CNOT1: variants seen among roughly 807,000 people sequenced by gnomAD.
The protein encoded by CNOT1 is CCR4-associated factor 1.
A neutral mutation model predicts 273.8 loss-of-function variants in CNOT1; 15 were observed. The observed-to-expected ratio is 0.05, with a 90% CI of 0.04 to 0.08. The LOEUF (loss-of-function observed/expected upper bound fraction) is 0.08, where lower values mean the gene tolerates loss of function less well. Among genes scored for constraint, CNOT1 ranks in the 10% least tolerant of loss-of-function variants. CNOT1 has a pLI of 1.00. For missense variants in CNOT1, 1,644 were observed against 2,912.2 expected (o/e 0.56, Z 10.02); for synonymous variants, 1,022 against 1,005.5 (o/e 1.02, Z -0.31).
At chr16:58,525,131 CAAA>C in intron 46 of CNOT1, 45 bp downstream of exon 46, 1 of 1,566,324 alleles carries the variant, frequency 6.4e-7, no homozygotes, top group Non-Finnish European at 8.8e-7. Context: ...CAGATTGTAG[CAAA>C]AAGCACAGAG....
intron 1 of CNOT1, among the ~76,000 whole-genome samples, chr16:58,623,904 C>T (rs1028156234): frequency 3.3e-5 from 5 of 151,948 alleles, no homozygotes; most frequent in East Asian, 3.9e-4. Flanking sequence ...GCAGAAGAAT[C>T]GCTTGAACCA....
chr16:58,567,448 C>T (rs1403821306), intron 16 of CNOT1, among the ~76,000 whole-genome samples: 1 of 150,890 alleles, frequency 6.6e-6, no homozygotes, highest in Non-Finnish European at 1.5e-5. Context: ...CATGGTGAAG[C>T]CCCATTTCCA....
intron 47 of CNOT1, 143 bp from the exon 48 acceptor site, chr16:58,521,460 T>C: frequency 1.3e-6 from 1 of 764,156 alleles, no homozygotes; most frequent in Non-Finnish European, 2.1e-6. Flanking sequence ...GGTGGATTAA[T>C]ATACTCCAAA....
intron 39 of CNOT1, among the ~76,000 whole-genome samples, chr16:58,534,640 A>G (rs917173959): frequency 1.3e-5 from 2 of 152,212 alleles, no homozygotes; most frequent in Non-Finnish European, 2.9e-5. Flanking sequence ...TTATCATGGC[A>G]ATTTTGAACA....
intron 46 of CNOT1, 147 bp downstream of exon 46, chr16:58,525,032 A>T (rs539633816): frequency 1.4e-6 from 1 of 720,864 alleles, no homozygotes; most frequent in South Asian, 1.8e-5. Context: ...CCAATTAAAG[A>T]TAAAATAATC....
rs1238609335 is a variant in CNOT1 at position 58,541,490 on chromosome 16, A to G, written c.4800+11T>C. 6.2e-7 allele frequency: 1 copy of G among 1,609,872 alleles called. No homozygotes were observed. The highest frequency in any genetic ancestry group is 8.5e-7 in the Non-Finnish European group (1 of 1,178,140). ...TGGCAAAACACTCAATTTAATCTAAAACACATTTACCTTCATGGGCTGGGC... is the reference window on the plus strand; with the variant it reads ...TGGCAAAACACTCAATTTAATCTAAGACACATTTACCTTCATGGGCTGGGC... On this transcript the variant is annotated intron_variant, in intron 34 of 48. Transcript: ENST00000317147.
At chr16:58,533,497 G>A (rs1438204272) in intron 40 of CNOT1, among the ~76,000 whole-genome samples, 1 of 152,216 alleles carries the variant, frequency 6.6e-6, no homozygotes, top group South Asian at 2.1e-4. Context: ...TTAGCCGGGC[G>A]CGGTGGCGGG....
chr16:58,585,296 G>A (rs375118614), intron 8 of CNOT1, 42 bp downstream of exon 8: 29 of 1,604,852 alleles, frequency 1.8e-5, no homozygotes, highest in East Asian at 6.7e-5. Context: ...CATCATGTTT[G>A]GCACAAGAAT....
In CNOT1 at chr16:58,551,193, T is replaced by C; in HGVS notation, c.3281A>G (p.Asn1094Ser). Residue 1094 changes from asparagine (N) to serine (S), a missense_variant, in exon 24 of 49, where the codon AAT becomes AGT. Around this residue, in one of 13 missense-constraint regions of CNOT1, gnomAD observed 124 missense variants for 289.3 expected, o/e 0.43. Coordinates refer to ENST00000317147, the MANE Select transcript of CNOT1 (RefSeq NM_016284.5). ...QTERIVEPPENIQEKIAFIFN... is the reference protein window; with the variant it reads ...QTERIVEPPESIQEKIAFIFN... ...AATAAAAGCAATTTTCTCCTGGATA[T>C]TTTCTGGGGGCTCCACAATTCTCTC... 6.2e-7 allele frequency: 1 copy of C among 1,611,148 alleles called. No individual in the cohort carries two copies. Among genetic ancestry groups the C allele is most frequent in the Non-Finnish European group, 8.5e-7 (1 of 1,179,254 alleles).
At chr16:58,581,624 A>C (rs967714808) in intron 10 of CNOT1, 109 bp from the exon 11 acceptor site, 1 of 1,421,324 alleles carries the variant, frequency 7.0e-7, no homozygotes, top group Non-Finnish European at 9.2e-7. Context: ...TCTACTTACA[A>C]AATTTTTAAT....
chr16:58,629,396 G>A (rs2043732044), intron 1 of CNOT1, among the ~76,000 whole-genome samples: 1 of 152,138 alleles, frequency 6.6e-6, no homozygotes, highest in Admixed American at 6.5e-5. Flanking sequence ...CAGGCCCAGC[G>A]ACACGAACTG....
chr16:58,625,286 G>A (rs2043517279), intron 1 of CNOT1, among the ~76,000 whole-genome samples: 2 of 152,144 alleles, frequency 1.3e-5, no homozygotes, highest in African/African-American at 4.8e-5. Flanking sequence ...GCCGAGGCAG[G>A]TGGATCACCT....
At chr16:58,574,349 G>A (rs1387420633) in intron 16 of CNOT1, among the ~76,000 whole-genome samples, 1 of 151,560 alleles carries the variant, frequency 6.6e-6, no homozygotes, top group Non-Finnish European at 1.5e-5. Flanking sequence ...AAAAGGCAAA[G>A]TAGTGGTCTC....
chr16:58,576,711 G>T, intron 13 of CNOT1, 129 bp from the exon 14 acceptor site: 1 of 1,405,366 alleles, frequency 7.1e-7, no homozygotes, highest in South Asian at 1.4e-5. Context: ...ATTAAGTTCA[G>T]GCCTCAAACT....
At chr16:58,559,986 CTAAA>C (rs1387806669) in intron 17 of CNOT1, 29 of 1,264,636 alleles carry the variant, frequency 2.3e-5, no homozygotes, top group Admixed American at 1.7e-4. Flanking sequence ...CTTCATTTAC[CTAAA>C]TAAATTGTCT....
intron 40 of CNOT1, 171 bp from the exon 41 acceptor site, chr16:58,532,566 A>C: frequency 8.5e-7 from 1 of 1,173,054 alleles, no homozygotes; most frequent in Non-Finnish European, 1.1e-6. Context: ...AATTGGTCTG[A>C]CTCCGCCTTC....
chr16:58,584,074 A>G (rs2041752271), intron 8 of CNOT1, among the ~76,000 whole-genome samples: 1 of 150,318 alleles, frequency 6.7e-6, no homozygotes, highest in Admixed American at 6.6e-5. Flanking sequence ...AGGCTGAGGC[A>G]GGAAAATCAC....
chr16:58,522,126 T>A, intron 47 of CNOT1, among the ~76,000 whole-genome samples: 1 of 151,166 alleles, frequency 6.6e-6, no homozygotes, highest in East Asian at 1.9e-4. Context: ...AAGACCAGCC[T>A]GGCCAAGATG....
At chr16:58,566,017 A>G (rs938608501) in intron 16 of CNOT1, among the ~76,000 whole-genome samples, 5 of 152,146 alleles carry the variant, frequency 3.3e-5, no homozygotes, top group African/African-American at 7.2e-5. Flanking sequence ...CTAAATTCAA[A>G]TTAGGTATTA....
Sources: gnomAD v4.1 joint callset for allele counts (sites outside exome capture counted in the v4.1 genomes callset) on GRCh38, gnomAD v4.1.1 for gene constraint, gnomAD v4.1.1 regional missense constraint, MANE v1.5 for transcripts, NCBI Gene and HGNC (gene_info 2026-07-23, HGNC 2026-07-21) for gene names.